PLCH1: variants seen among roughly 807,000 people sequenced by gnomAD.
PLCH1 encodes the protein phospholipase C eta 1.
In PLCH1, 60 loss-of-function variants were observed where a neutral mutation model predicts 126.7. The ratio of observed to expected loss-of-function variants is 0.47; its 90% CI spans 0.38 to 0.59. The LOEUF (loss-of-function observed/expected upper bound fraction) is 0.59. PLCH1 is among the 20% of genes least tolerant of loss of function. The pLI, the probability that PLCH1 is intolerant of heterozygous loss-of-function variation, is 0.00. For synonymous variants in PLCH1, 719 were observed against 734.9 expected, an observed-to-expected ratio of 0.98 and a Z score of 0.35; for missense variants, 1,723 against 2,040.0, an observed-to-expected ratio of 0.84 and a Z score of 2.99.
At chr3:155,518,286 GA>G (rs1720622900) in intron 11 of PLCH1, among the ~76,000 whole-genome samples, 1 of 152,222 alleles carries the variant, frequency 6.6e-6, no homozygotes, top group Non-Finnish European at 1.5e-5. Flanking sequence ...GTCATGTAAA[GA>G]TACTTCATTT....
intron 2 of PLCH1, among the ~76,000 whole-genome samples, chr3:155,691,309 C>T (rs766011590): frequency 2.8e-4 from 43 of 152,144 alleles, no homozygotes; most frequent in Non-Finnish European, 5.0e-4. Flanking sequence ...TAGCATCAAC[C>T]TAACATTTCC....
At position 155,617,682 on chromosome 3, in the gene PLCH1, C is replaced by T. The variant is rs184489516; in HGVS notation, c.80-21304G>A. The stretch of plus-strand genomic sequence containing the variant: ...TGTTTTATAGGAGCACAGTTGGAGA[C>T]GCTGGTTACTTTACCAAGGCTTTGA... On this transcript the variant is annotated intron_variant, in intron 2 of 22. Coordinates refer to ENST00000460012, the MANE Select transcript of PLCH1 (RefSeq NM_014996.4). Among the ~76,000 whole-genome samples, 317 of 152,252 alleles carry T rather than the reference C, an allele frequency of 2.1e-3. 2 individuals carry two copies. The highest frequency in any genetic ancestry group is 3.5e-3 in the Non-Finnish European group (238 of 68,010).
At chr3:155,579,564 A>C (rs1399267167) in intron 6 of PLCH1, among the ~76,000 whole-genome samples, 1 of 152,216 alleles carries the variant, frequency 6.6e-6, no homozygotes, top group African/African-American at 2.4e-5. Context: ...TTCCATGCCA[A>C]ATGAAGTGTT....
chr3:155,599,079 G>A (rs1357115380), intron 2 of PLCH1, among the ~76,000 whole-genome samples: 1 of 140,590 alleles, frequency 7.1e-6, no homozygotes, highest in Non-Finnish European at 1.5e-5. Flanking sequence ...GCCAGGAAAA[G>A]AGTCCTCACC....
chr3:155,557,185 T>G (rs558993273), intron 8 of PLCH1, among the ~76,000 whole-genome samples: 1 of 152,344 alleles, frequency 6.6e-6, no homozygotes, highest in South Asian at 2.1e-4. Context: ...ATCCATATTT[T>G]TCCATGTACT....
chr3:155,574,001 C>T (rs927212948), intron 6 of PLCH1, among the ~76,000 whole-genome samples: 3 of 152,110 alleles, frequency 2.0e-5, no homozygotes, highest in African/African-American at 4.8e-5. Context: ...GCAACCTCCA[C>T]CTCCAGGGTT....
intron 22 of PLCH1, chr3:155,483,294 T>C (rs1714481086): frequency 8.2e-7 from 1 of 1,214,350 alleles, no homozygotes; most frequent in Admixed American, 2.2e-5. Flanking sequence ...AAGGATGTAA[T>C]ATTCATTGTC....
At chr3:155,458,503 A>AGAAAGAAAGAAG (rs1174780818) in intron 21 of PLCH1, among the ~76,000 whole-genome samples, 4 of 118,468 alleles carry the variant, frequency 3.4e-5, no homozygotes, top group African/African-American at 1.6e-4. Flanking sequence ...AGAAAGAGAA[A>AGAAAGAAAGAAG]GAAGAGAGAG....
intron 10 of PLCH1, among the ~76,000 whole-genome samples, chr3:155,527,896 G>A (rs573485203): frequency 2.0e-5 from 3 of 148,874 alleles, no homozygotes; most frequent in African/African-American, 7.5e-5. Flanking sequence ...CTCCAGCCTG[G>A]GTGACAGAGT....
At chr3:155,540,132 A>C (rs1381284354) in intron 10 of PLCH1, among the ~76,000 whole-genome samples, 1 of 152,140 alleles carries the variant, frequency 6.6e-6, no homozygotes, top group African/African-American at 2.4e-5. Context: ...CAAAAACATA[A>C]AGTGGAGAAA....
chr3:155,663,089 C>T (rs1048534117), intron 2 of PLCH1, among the ~76,000 whole-genome samples: 2 of 152,192 alleles, frequency 1.3e-5, no homozygotes, highest in African/African-American at 4.8e-5. Context: ...CCAGCTCCAT[C>T]GTAGGACACT....
chr3:155,524,459 A>C (rs1018334440), intron 10 of PLCH1, among the ~76,000 whole-genome samples: 2 of 152,188 alleles, frequency 1.3e-5, no homozygotes, highest in Admixed American at 1.3e-4. Context: ...AATAGTTAAG[A>C]TGTTAGGTAG....
chr3:155,662,931 T>A (rs1577270842), intron 2 of PLCH1, among the ~76,000 whole-genome samples: 1 of 152,236 alleles, frequency 6.6e-6, no homozygotes, highest in Non-Finnish European at 1.5e-5. Flanking sequence ...CCCAAAATTC[T>A]GGGATTACAG....
chr3:155,701,712 T>C (rs977347421), intron 2 of PLCH1, among the ~76,000 whole-genome samples: 1 of 152,160 alleles, frequency 6.6e-6, no homozygotes, highest in Non-Finnish European at 1.5e-5. Flanking sequence ...TTCTCAGAAA[T>C]GTTCTGAAAT....
chr3:155,485,738 G>A (rs1285580355), intron 21 of PLCH1, 28 bp from the exon 22 acceptor site: 7 of 1,427,404 alleles, frequency 4.9e-6, no homozygotes, highest in Admixed American at 3.9e-5. Context: ...CCAACCACAA[G>A]TTAAGCAAAT....
intron 8 of PLCH1, among the ~76,000 whole-genome samples, chr3:155,561,069 T>C (rs1334795867): frequency 6.6e-6 from 1 of 152,200 alleles, no homozygotes; most frequent in Non-Finnish European, 1.5e-5. Context: ...TTTTGAAGCT[T>C]ATTCTATCCA....
At chr3:155,534,960 A>G (rs1723160084) in intron 10 of PLCH1, among the ~76,000 whole-genome samples, 2 of 152,116 alleles carry the variant, frequency 1.3e-5, no homozygotes, top group South Asian at 4.2e-4. Flanking sequence ...AGTCAATTAA[A>G]CCTCTTTTTA....
chr3:155,580,765 G>A (rs1730563665), intron 6 of PLCH1, among the ~76,000 whole-genome samples: 1 of 152,004 alleles, frequency 6.6e-6, no homozygotes, highest in Non-Finnish European at 1.5e-5. Flanking sequence ...CACGATAATT[G>A]TAATAAATTT....
At chr3:155,548,237 T>C (rs995939446) in intron 10 of PLCH1, among the ~76,000 whole-genome samples, 2 of 152,208 alleles carry the variant, frequency 1.3e-5, no homozygotes, top group African/African-American at 2.4e-5. Flanking sequence ...GCTCTGATAG[T>C]AAAGGAACAC....
Sources: gnomAD v4.1 joint callset for allele counts (sites outside exome capture counted in the v4.1 genomes callset) on GRCh38, gnomAD v4.1.1 for gene constraint, MANE v1.5 for transcripts, NCBI Gene and HGNC (gene_info 2026-07-23, HGNC 2026-07-21) for gene names.